Variants in HMG20A observed in about 807,000 individuals in gnomAD.
The protein encoded by HMG20A is high mobility group protein 20A.
HMG20A carries 17 observed loss-of-function variants against 43.9 expected under a neutral mutation model. That is an observed-to-expected ratio of 0.39 (90% confidence interval 0.27 to 0.58). HMG20A has a LOEUF of 0.58. Ranked by LOEUF, HMG20A falls within the 20% of genes least tolerant of loss-of-function variation. HMG20A has a pLI of 0.59. For missense variants in HMG20A, 341 were observed against 438.2 expected (o/e 0.78, Z 1.98); for synonymous variants, 132 against 147.5 (o/e 0.89, Z 0.76).
chr15:77,471,383 C>T (rs2072806828), intron 5 of HMG20A, among the ~76,000 whole-genome samples: 2 of 152,184 alleles, frequency 1.3e-5, no homozygotes, highest in African/African-American at 4.8e-5. Flanking sequence ...TTTAACACTT[C>T]TAAGCCTTTC....
chr15:77,440,512 G>A (rs2073600327), intron 1 of HMG20A, among the ~76,000 whole-genome samples: 1 of 152,148 alleles, frequency 6.6e-6, no homozygotes, highest in Admixed American at 6.5e-5. Context: ...TATTGCTGTG[G>A]TAATAAACAA....
chr15:77,499,584 A>G, the HMG20A span, among the ~76,000 whole-genome samples: 1 of 151,862 alleles, frequency 6.6e-6, no homozygotes, highest in Non-Finnish European at 1.5e-5. Flanking sequence ...GCCCTTCTCA[A>G]CACCTCCAGG....
chr15:77,436,304 A>G (rs568324029), intron 1 of HMG20A, among the ~76,000 whole-genome samples: 2 of 152,188 alleles, frequency 1.3e-5, no homozygotes, highest in Admixed American at 6.5e-5. Context: ...GCAAGATTCT[A>G]TTGATTCTAC....
chr15:77,515,378 T>G, the HMG20A span, among the ~76,000 whole-genome samples: 3 of 148,286 alleles, frequency 2.0e-5, no homozygotes, highest in Admixed American at 1.3e-4. Context: ...AAATCTGCTG[T>G]TTTTTTTAAA....
chr15:77,463,695 T>C (rs1481024396), intron 2 of HMG20A, among the ~76,000 whole-genome samples: 1 of 152,216 alleles, frequency 6.6e-6, no homozygotes, highest in Non-Finnish European at 1.5e-5. Context: ...CATGTATACC[T>C]GAACTTACTT....
chr15:77,505,255 G>A, the HMG20A span, among the ~76,000 whole-genome samples: 116 of 152,368 alleles, frequency 7.6e-4, 1 homozygote, highest in Non-Finnish European at 1.0e-3. Flanking sequence ...TTGCCTCATC[G>A]ACAAGGCTGA....
At chr15:77,472,714 G>C (rs909006512) in intron 6 of HMG20A, among the ~76,000 whole-genome samples, 2 of 152,196 alleles carry the variant, frequency 1.3e-5, no homozygotes, top group Non-Finnish European at 2.9e-5. Context: ...TGGGATTTAG[G>C]TGTGTGTGTT....
chr15:77,505,230 G>A, the HMG20A span, among the ~76,000 whole-genome samples: 13 of 152,218 alleles, frequency 8.5e-5, no homozygotes, highest in Non-Finnish European at 1.5e-4. Context: ...GAGTTGGGAC[G>A]TCCACTCTGA....
In HMG20A at chr15:77,467,108, G is replaced by A. The variant is rs142534001; in HGVS notation, c.251G>A (p.Arg84Gln). ...TTTGTTTTGTAGCAACGAAGTAAAC[G>A]AGGAGGTTGGTCCAAAGGAAGAAAG... is the stretch of plus-strand genomic sequence containing the variant. The part of the protein sequence containing the change: ...QRHEDEQRSK[R>Q]GGWSKGRKRK... The change falls in exon 4 of 10, where the codon CGA (arginine) becomes CAA (glutamine). Residue 84 changes from arginine (R) to glutamine (Q), a missense_variant. Physicochemically the swap from Arg to Gln is conservative, Grantham distance 43. This residue lies in a region of HMG20A where 220 missense variants were observed against 263.6 expected (regional missense o/e 0.83). Coordinates refer to ENST00000336216, the MANE Select transcript of HMG20A (RefSeq NM_001304504.2). 2.9e-5 allele frequency: 46 copies of A among 1,613,216 alleles called. No individual in the cohort carries two copies. Among genetic ancestry groups the A allele is most frequent in the African/African-American group, 1.6e-4 (12 of 74,986 alleles).
At chr15:77,497,682 A>AGAGAGAGAGTGTGT in the HMG20A span, among the ~76,000 whole-genome samples, 2 of 118,988 alleles carry the variant, frequency 1.7e-5, no homozygotes, top group African/African-American at 6.4e-5. Flanking sequence ...AGAGAGAGAG[A>AGAGAGAGAGTGTGT]GTGTGTGTGT....
chr15:77,442,282 A>G (rs1323761437), intron 1 of HMG20A, among the ~76,000 whole-genome samples: 1 of 152,240 alleles, frequency 6.6e-6, no homozygotes, highest in Non-Finnish European at 1.5e-5. Flanking sequence ...AAATTGAGTT[A>G]GAACTTCTCA....
chr15:77,432,156 A>G lies in HMG20A; in HGVS notation c.-5+11152A>G, dbSNP rs76514645. ...CTTGGATATATTCTCAGAGAATGCAACCTTTAAGTTCCTTAAAGAAAATAA... is the reference window on the plus strand; with the variant it reads ...CTTGGATATATTCTCAGAGAATGCAGCCTTTAAGTTCCTTAAAGAAAATAA... On this transcript the variant is annotated intron_variant, in intron 1 of 9. Transcript: ENST00000336216. Among the ~76,000 whole-genome samples the G allele has an allele frequency of 7.7e-3, 1,178 of 152,318 alleles. 40 individuals carry two copies. Among genetic ancestry groups the G allele is most frequent in the Admixed American group, 0.059 (910 of 15,298 alleles).
chr15:77,485,988 T>C (rs2142372296), downstream of HMG20A, among the ~76,000 whole-genome samples: 1 of 152,366 alleles, frequency 6.6e-6, no homozygotes, highest in Admixed American at 6.5e-5. Context: ...TTAAAGACTT[T>C]GTCAACTCTA....
intron 1 of HMG20A, among the ~76,000 whole-genome samples, chr15:77,451,259 A>G (rs945714181): frequency 2.0e-5 from 3 of 152,216 alleles, no homozygotes; most frequent in African/African-American, 7.2e-5. Context: ...TAAGTTTTCC[A>G]TTCATTTGGG....
chr15:77,513,766 G>A, the HMG20A span, among the ~76,000 whole-genome samples: 15 of 146,104 alleles, frequency 1.0e-4, no homozygotes, highest in Admixed American at 5.6e-4. Context: ...TCGCTCTGTC[G>A]CCAGGCTGGA....
chr15:77,431,133 A>T (rs961667167), intron 1 of HMG20A, among the ~76,000 whole-genome samples: 4 of 152,180 alleles, frequency 2.6e-5, no homozygotes, highest in Non-Finnish European at 2.9e-5. Flanking sequence ...AACAGAAATA[A>T]TGGGGGCCAG....
chr15:77,431,786 A>G (rs1459593033), intron 1 of HMG20A, among the ~76,000 whole-genome samples: 2 of 152,128 alleles, frequency 1.3e-5, no homozygotes, highest in East Asian at 1.9e-4. Context: ...CCTTTGACCA[A>G]CATCTTCCCA....
intron 1 of HMG20A, among the ~76,000 whole-genome samples, chr15:77,454,017 A>AAAT (rs1357862280): frequency 1.3e-5 from 2 of 151,888 alleles, no homozygotes; most frequent in Non-Finnish European, 2.9e-5. Context: ...AAAAAAAAAA[A>AAAT]AAAATTAAAA....
chr15:77,470,943 C>A lies in HMG20A; in HGVS notation c.484C>A (p.Arg162Ser). 1 of 1,609,774 alleles carries A rather than the reference C, an allele frequency of 6.2e-7. No individual in the cohort carries two copies. Among genetic ancestry groups the A allele is most frequent in the Non-Finnish European group, 8.5e-7 (1 of 1,178,250 alleles). The change falls in exon 5 of 10, where the codon CGT becomes AGT. Residue 162 changes from arginine (R) to serine (S), a missense_variant. Around this residue, in one of 3 missense-constraint regions of HMG20A, gnomAD observed 220 missense variants for 263.6 expected, o/e 0.83. Coordinates refer to ENST00000336216, the MANE Select transcript of HMG20A (RefSeq NM_001304504.2). Reference sequence around the variant, plus strand: ...TGATGAAGCAGACAGAGATAAGGAGCGTTACATGAAGGAACTGGAACAGTA... The same window carrying A: ...TGATGAAGCAGACAGAGATAAGGAGAGTTACATGAAGGAACTGGAACAGTA... Reference protein sequence around the residue: ...YLDEADRDKERYMKELEQYQK... With the variant: ...YLDEADRDKESYMKELEQYQK...
Sources: allele counts gnomAD v4.1 joint callset (sites outside exome capture counted in the v4.1 genomes callset), GRCh38; gene constraint gnomAD v4.1.1; regional missense constraint gnomAD v4.1.1; transcripts MANE v1.5; gene names NCBI Gene and HGNC (gene_info 2026-07-23, HGNC 2026-07-21).